The following FRYL variants were observed in gnomAD, a reference collection of about 807,000 sequenced individuals.
The protein encoded by FRYL is FRY like transcription coactivator.
In FRYL, 150 loss-of-function variants were observed where a neutral mutation model predicts 351.2. The ratio of observed to expected loss-of-function variants is 0.43; its 90% confidence interval spans 0.37 to 0.49. The LOEUF is 0.49. Among genes scored for constraint, FRYL ranks in the 20% least tolerant of loss-of-function variants. The pLI is 0.00. For missense variants in FRYL, 3,036 were observed against 3,619.3 expected (o/e 0.84, Z 4.13); for synonymous variants, 1,153 against 1,257.1 (o/e 0.92, Z 1.75).
At chr4:48,644,192 T>G (rs936823523) in intron 3 of FRYL, among the ~76,000 whole-genome samples, 1 of 152,186 alleles carries the variant, frequency 6.6e-6, no homozygotes, top group African/African-American at 2.4e-5. Context: ...TCTGCCTGCC[T>G]CAGCCTCCCA....
At chr4:48,583,427 G>A (rs1375922350) in intron 19 of FRYL, among the ~76,000 whole-genome samples, 4 of 151,972 alleles carry the variant, frequency 2.6e-5, no homozygotes, top group African/African-American at 4.8e-5. Context: ...CTGGGATTAC[G>A]GGCGTGAGCC....
chr4:48,758,038 G>C (rs1325007009), intron 1 of FRYL, among the ~76,000 whole-genome samples: 1 of 152,172 alleles, frequency 6.6e-6, no homozygotes, highest in Non-Finnish European at 1.5e-5. Flanking sequence ...ACCATATGTA[G>C]AAAGCTGAAA....
chr4:48,723,878 G>A (rs945744057), intron 1 of FRYL, among the ~76,000 whole-genome samples: 1 of 150,164 alleles, frequency 6.7e-6, no homozygotes, highest in African/African-American at 2.5e-5. Flanking sequence ...TTGAACCCAG[G>A]AGTTTGAGAC....
Position 48,515,208 on chromosome 4 carries a change from T to A in FRYL, c.7757A>T (p.Gln2586Leu). 1 of 1,613,172 alleles carries A rather than the reference T, an allele frequency of 6.2e-7. No homozygotes were observed. Among genetic ancestry groups the A allele is most frequent in the Middle Eastern group, 1.7e-4 (1 of 6,056 alleles). The change falls in exon 56 of 64, where the codon CAA (glutamine) becomes CTA (leucine). Residue 2586 changes from glutamine to leucine, a missense_variant. This residue lies in a region of FRYL where 1,987 missense variants were observed against 2,311.7 expected (regional missense o/e 0.86). Coordinates refer to ENST00000358350, the MANE Select transcript of FRYL (RefSeq NM_015030.2). ...TFEDEGSYIIQEQQESLVCQG... is the reference protein window; with the variant it reads ...TFEDEGSYIILEQQESLVCQG... ...ACACACAAGAGATTCCTGCTGTTCT[T>A]GAATTATATAGGATCCTTCATCTTC...
chr4:48,649,402 T>C (rs1254227919), intron 3 of FRYL, among the ~76,000 whole-genome samples: 1 of 152,200 alleles, frequency 6.6e-6, no homozygotes, highest in African/African-American at 2.4e-5. Flanking sequence ...TTTATGTCTG[T>C]GATAAAAACT....
chr4:48,774,321 C>G (rs1430195659), intron 1 of FRYL, among the ~76,000 whole-genome samples: 4 of 152,110 alleles, frequency 2.6e-5, no homozygotes, highest in Admixed American at 6.6e-5. Context: ...CTTAACATAT[C>G]AAAACTGCTG....
chr4:48,499,062 C>A lies in FRYL; in HGVS notation c.*360G>T. On this transcript the variant is annotated 3_prime_UTR_variant, in exon 64 of 64. Transcript: ENST00000358350. The stretch of plus-strand genomic sequence containing the variant: ...AGCCTTGATTTCAGCCTCATTTCAC[C>A]TGCTTTTGGTTGTTTCAGTATTGGA... 1 of 198,004 alleles carries A rather than the reference C, an allele frequency of 5.1e-6. No homozygotes were observed. Among genetic ancestry groups the A allele is most frequent in the Non-Finnish European group, 1.0e-5 (1 of 96,150 alleles). The allele number at this position is 198,004 out of a possible 1,614,324, so 12.3% of individuals were successfully genotyped here.
chr4:48,590,004 T>C (rs1482230046), intron 17 of FRYL, 127 bp from the exon 18 acceptor site: 16 of 733,502 alleles, frequency 2.2e-5, no homozygotes, highest in Non-Finnish European at 3.3e-5. Flanking sequence ...GTTTCAACTG[T>C]GACATATTCT....
chr4:48,506,705 A>G (rs1161847218), intron 59 of FRYL: 1 of 142,766 alleles, frequency 7.0e-6, no homozygotes, highest in Non-Finnish European at 1.5e-5. Flanking sequence ...GACTAGCTGC[A>G]TTAAGCAGCT....
intron 1 of FRYL, among the ~76,000 whole-genome samples, chr4:48,747,301 AG>A (rs1772796526): frequency 6.6e-6 from 1 of 152,196 alleles, no homozygotes; most frequent in African/African-American, 2.4e-5. Flanking sequence ...AAATCAACAA[AG>A]GTTATTTCCC....
At chr4:48,589,661 A>G (rs1742852775) in intron 18 of FRYL, 84 bp downstream of exon 18, 2 of 1,308,826 alleles carry the variant, frequency 1.5e-6, no homozygotes, top group East Asian at 4.7e-5. Flanking sequence ...CCAAAGACCA[A>G]GTAAGGAGAC....
At chr4:48,622,759 C>G (rs765740730) in intron 5 of FRYL, among the ~76,000 whole-genome samples, 3 of 151,810 alleles carry the variant, frequency 2.0e-5, no homozygotes, top group African/African-American at 7.3e-5. Context: ...TGTTAGACAC[C>G]GGCATTCTAC....
chr4:48,582,832 A>C, intron 19 of FRYL, 98 bp from the exon 20 acceptor site: 2 of 797,080 alleles, frequency 2.5e-6, no homozygotes, highest in Non-Finnish European at 4.2e-6. Context: ...ATGTCCTCTT[A>C]GTTGTTTTGT....
intron 55 of FRYL, among the ~76,000 whole-genome samples, chr4:48,520,189 C>T (rs1724599446): frequency 6.6e-6 from 1 of 152,176 alleles, no homozygotes; most frequent in Non-Finnish European, 1.5e-5. Flanking sequence ...ATTGAATGAT[C>T]TAAACCTTAG....
chr4:48,612,384 G>C (rs906648938), intron 7 of FRYL, among the ~76,000 whole-genome samples: 2 of 152,136 alleles, frequency 1.3e-5, no homozygotes, highest in African/African-American at 4.8e-5. Context: ...CAAGAAGGCA[G>C]AGCAAAAAGT....
At chr4:48,622,014 T>C (rs1016530098) in intron 5 of FRYL, among the ~76,000 whole-genome samples, 7 of 152,070 alleles carry the variant, frequency 4.6e-5, no homozygotes, top group Admixed American at 1.3e-4. Flanking sequence ...CCTTGCAATA[T>C]CTAAAGAAGG....
At chr4:48,773,366 A>T (rs1177664226) in intron 1 of FRYL, among the ~76,000 whole-genome samples, 1 of 152,218 alleles carries the variant, frequency 6.6e-6, no homozygotes, top group Non-Finnish European at 1.5e-5. Flanking sequence ...TCTACGAAGC[A>T]CTATTTTTTT....
chr4:48,695,671 T>C (rs1455981294), intron 2 of FRYL, among the ~76,000 whole-genome samples: 1 of 151,928 alleles, frequency 6.6e-6, no homozygotes. Context: ...AAAGCAAAAA[T>C]TGACAAATGG....
chr4:48,599,376 A>T (rs1446518554), intron 13 of FRYL, among the ~76,000 whole-genome samples: 1 of 152,238 alleles, frequency 6.6e-6, no homozygotes, highest in Admixed American at 6.5e-5. Flanking sequence ...CAGTGAAAAT[A>T]ACGTGACACT....
Sources: allele counts gnomAD v4.1 joint callset (sites outside exome capture counted in the v4.1 genomes callset), GRCh38; gene constraint gnomAD v4.1.1; regional missense constraint gnomAD v4.1.1; transcripts MANE v1.5; gene names NCBI Gene and HGNC (gene_info 2026-07-23, HGNC 2026-07-21).